RASEF: variants seen among roughly 807,000 people sequenced by gnomAD.
RASEF encodes the protein ras and EF-hand domain-containing protein.
Under a neutral mutation model 90.1 loss-of-function variants are expected in RASEF, and 68 were observed. The ratio of observed to expected loss-of-function variants is 0.75; its 90% CI spans 0.62 to 0.92. The LOEUF (loss-of-function observed/expected upper bound fraction) is 0.92, where lower values mean the gene tolerates loss of function less well. RASEF is among the 40% of genes least tolerant of loss of function. The probability of loss-of-function intolerance (pLI) is 0.00; values close to 1 mark genes in which losing one functional copy is unlikely to be tolerated. For synonymous variants in RASEF, 331 were observed against 345.2 expected, an observed-to-expected ratio of 0.96 and a Z score of 0.46; for missense variants, 949 against 937.2, an observed-to-expected ratio of 1.01 and a Z score of -0.16.
the RASEF span, among the ~76,000 whole-genome samples, chr9:83,097,826 C>A: frequency 6.6e-6 from 1 of 152,122 alleles, no homozygotes; most frequent in Non-Finnish European, 1.5e-5. Flanking sequence ...GAATTAGCAT[C>A]GTCATCATCA....
rs536083247 is a variant in RASEF at position 83,062,802 on chromosome 9, C to A, written c.66G>T (p.Ala22=). The A allele has an allele frequency of 3.1e-5, 49 of 1,556,796 alleles. No homozygotes were observed. The highest frequency in any genetic ancestry group is 2.7e-4 in the Admixed American group (15 of 55,654). Residue 22 remains alanine, a synonymous_variant, in exon 1 of 17, where the codon GCG becomes GCT. Coordinates refer to ENST00000376447, the MANE Select transcript of RASEF (RefSeq NM_152573.4). Reference sequence around the variant, plus strand: ...CGCGCTCCAGGCGCCCCGAGCGGTTCGCGTCGCAGGCGGCGAAGACTGAGC... The same window carrying A: ...CGCGCTCCAGGCGCCCCGAGCGGTTAGCGTCGCAGGCGGCGAAGACTGAGC... The part of the protein sequence containing the change: ...RLRSVFAACD[A]NRSGRLEREE...
intron 2 of RASEF, among the ~76,000 whole-genome samples, chr9:83,024,628 A>G (rs1195807531): frequency 6.6e-6 from 1 of 152,206 alleles, no homozygotes; most frequent in African/African-American, 2.4e-5. Context: ...CTAATTTGAG[A>G]GAAAAATGGT....
the RASEF span, among the ~76,000 whole-genome samples, chr9:83,085,169 A>C: frequency 6.6e-6 from 1 of 152,324 alleles, no homozygotes; most frequent in Non-Finnish European, 1.5e-5. Context: ...CAACCACTTT[A>C]CTTCAAACTA....
At chr9:82,995,215 C>A (rs949407968) in intron 14 of RASEF, among the ~76,000 whole-genome samples, 1 of 152,212 alleles carries the variant, frequency 6.6e-6, no homozygotes, top group Non-Finnish European at 1.5e-5. Flanking sequence ...AGGGTTATTT[C>A]ACTGTGGCTG....
chr9:83,202,407 C>T, the RASEF span, among the ~76,000 whole-genome samples: 4 of 152,164 alleles, frequency 2.6e-5, no homozygotes, highest in Non-Finnish European at 5.9e-5. Flanking sequence ...ACAACTAACA[C>T]ACATTGTAAT....
the RASEF span, among the ~76,000 whole-genome samples, chr9:83,176,604 A>G: frequency 2.6e-5 from 4 of 151,954 alleles, no homozygotes; most frequent in African/African-American, 9.7e-5. Context: ...CTTTTTCACA[A>G]TATTTAATTC....
At chr9:83,042,707 A>T (rs1052153780) in intron 1 of RASEF, among the ~76,000 whole-genome samples, 15 of 151,966 alleles carry the variant, frequency 9.9e-5, no homozygotes, top group Non-Finnish European at 1.8e-4. Flanking sequence ...TATCTGACTA[A>T]GAAGAATCCA....
chr9:83,039,859 T>C (rs950614877), intron 1 of RASEF, among the ~76,000 whole-genome samples: 2 of 152,172 alleles, frequency 1.3e-5, no homozygotes, highest in African/African-American at 4.8e-5. Context: ...ATTTCTGACA[T>C]GCAAAGGCCC....
chr9:83,130,549 A>G, the RASEF span, among the ~76,000 whole-genome samples: 1 of 152,212 alleles, frequency 6.6e-6, no homozygotes, highest in Admixed American at 6.5e-5. Flanking sequence ...ATCAATTGTT[A>G]AATACCACAC....
chr9:83,085,655 G>A, the RASEF span, among the ~76,000 whole-genome samples: 1 of 152,080 alleles, frequency 6.6e-6, no homozygotes, highest in Non-Finnish European at 1.5e-5. Flanking sequence ...GCCGGGCGCA[G>A]TGGCTCACAC....
chr9:83,126,802 A>G, the RASEF span, among the ~76,000 whole-genome samples: 1 of 152,230 alleles, frequency 6.6e-6, no homozygotes, highest in Non-Finnish European at 1.5e-5. Flanking sequence ...TTTATTAAAA[A>G]CACAATTTTA....
chr9:83,195,671 C>T, the RASEF span, among the ~76,000 whole-genome samples: 1 of 151,964 alleles, frequency 6.6e-6, no homozygotes, highest in Non-Finnish European at 1.5e-5. Flanking sequence ...GTAAGTGATA[C>T]ATATCTATTT....
At chr9:83,072,977 A>G in the RASEF span, among the ~76,000 whole-genome samples, 1 of 152,222 alleles carries the variant, frequency 6.6e-6, no homozygotes, top group Non-Finnish European at 1.5e-5. Flanking sequence ...GGAAAACACT[A>G]AGCATCAGGT....
the RASEF span, among the ~76,000 whole-genome samples, chr9:83,124,028 T>C: frequency 6.6e-6 from 1 of 152,236 alleles, no homozygotes; most frequent in Non-Finnish European, 1.5e-5. Context: ...AGGTACCTCA[T>C]GTCAGTGGGA....
rs138385413 is a variant in RASEF at position 83,060,494 on chromosome 9, C to T, written c.431+1943G>A. ...ACTACATACTATCCTTCTCTTTGTC[C>T]CCAGCAACCTAGGACAGTACCTAAG... On this transcript the variant is annotated intron_variant, in intron 1 of 16. Coordinates refer to ENST00000376447, the MANE Select transcript of RASEF (RefSeq NM_152573.4). Among the ~76,000 whole-genome samples, 124 of 152,242 alleles carry T rather than the reference C, an allele frequency of 8.1e-4. 1 individual carries two copies. The highest frequency in any genetic ancestry group is 2.8e-3 in the African/African-American group (115 of 41,524).
At chr9:83,205,061 C>T in the RASEF span, among the ~76,000 whole-genome samples, 2 of 152,220 alleles carry the variant, frequency 1.3e-5, no homozygotes, top group African/African-American at 4.8e-5. Context: ...TCATCCAAAT[C>T]TTTGACTTCA....
At chr9:83,006,221 A>G (rs1301233810) in intron 7 of RASEF, among the ~76,000 whole-genome samples, 1 of 152,162 alleles carries the variant, frequency 6.6e-6, no homozygotes, top group Non-Finnish European at 1.5e-5. Flanking sequence ...TGCTCCCCTT[A>G]GGGGACATGT....
At position 82,979,911 on chromosome 9, in the gene RASEF, A is replaced by G. The variant is rs1828567458; in HGVS notation, c.*2766T>C. ...AAAATAAATCTTTATCTTTAACCTCAATTTTATCTTCAGCAGGAGGGTTGT... is the reference window on the plus strand; with the variant it reads ...AAAATAAATCTTTATCTTTAACCTCGATTTTATCTTCAGCAGGAGGGTTGT... On this transcript the variant is annotated 3_prime_UTR_variant, in exon 17 of 17. Coordinates refer to ENST00000376447, the MANE Select transcript of RASEF (RefSeq NM_152573.4). 1 of 152,184 alleles carries G rather than the reference A, an allele frequency of 6.6e-6. No individual in the cohort carries two copies. The allele number at this position is 152,184 out of a possible 1,614,324, so 9.4% of individuals were successfully genotyped here. A position where few individuals can be genotyped will look rare whatever the true frequency, so the allele number is the denominator to read the frequency against.
At chr9:83,047,031 T>TCACA (rs1231710755) in intron 1 of RASEF, among the ~76,000 whole-genome samples, 1 of 152,188 alleles carries the variant, frequency 6.6e-6, no homozygotes, top group African/African-American at 2.4e-5. Flanking sequence ...TTGTAAATGA[T>TCACA]CACAGAGGGC....
Sources: gnomAD v4.1 joint callset for allele counts (sites outside exome capture counted in the v4.1 genomes callset) on GRCh38, gnomAD v4.1.1 for gene constraint, MANE v1.5 for transcripts, NCBI Gene and HGNC (gene_info 2026-07-23, HGNC 2026-07-21) for gene names.